The following TOGARAM2 variants were observed in gnomAD, a reference collection of about 807,000 sequenced individuals.
TOGARAM2 encodes TOG array regulator of axonemal microtubules protein 2.
Under a neutral mutation model 93.3 loss-of-function variants are expected in TOGARAM2, and 85 were observed. The observed-to-expected ratio is 0.91, with a 90% CI of 0.76 to 1.09. The LOEUF is 1.09. Among genes scored for constraint, TOGARAM2 ranks in the 50% least tolerant of loss-of-function variants. The pLI, the probability that TOGARAM2 is intolerant of heterozygous loss-of-function variation, is 0.00. For synonymous variants in TOGARAM2, 593 were observed against 552.8 expected (o/e 1.07, Z -1.02); for missense variants, 1,277 against 1,334.5 (o/e 0.96, Z 0.67).
At chr2:28,994,579 T>C in intron 1 of TOGARAM2, 146 bp from the exon 2 acceptor site, 1 of 400,238 alleles carries the variant, frequency 2.5e-6, no homozygotes, top group Non-Finnish European at 4.7e-6. Context: ...CATTTGTGAG[T>C]CCAATGTCAG....
intron 1 of TOGARAM2, among the ~76,000 whole-genome samples, chr2:28,958,840 C>T (rs1671760456): frequency 6.6e-6 from 1 of 152,184 alleles, no homozygotes; most frequent in African/African-American, 2.4e-5. Context: ...CTTTTTATCC[C>T]AGCCTTCTGG....
intron 1 of TOGARAM2, among the ~76,000 whole-genome samples, chr2:28,967,907 C>T (rs999531204): frequency 6.6e-6 from 1 of 151,452 alleles, no homozygotes; most frequent in Non-Finnish European, 1.5e-5. Flanking sequence ...CAACCTCCCC[C>T]TCCTGGGTTC....
Position 29,036,713 on chromosome 2 carries a change from A to C in TOGARAM2, c.2591A>C (p.Tyr864Ser). 6.2e-7 allele frequency: 1 copy of C among 1,613,926 alleles called. No homozygotes were observed. Among genetic ancestry groups the C allele is most frequent in the Non-Finnish European group, 8.5e-7 (1 of 1,179,876 alleles). The change falls in exon 18 of 20, where the codon TAC (tyrosine) becomes TCC (serine). Residue 864 changes from tyrosine to serine, a missense_variant. By Grantham distance (144) the Tyr-to-Ser change is moderately radical. Transcript: ENST00000379558. ...CTCAACTCCAAGAACTCAGGGATTT[A>C]CGCTGCTGCCGTGGCTGTGCTGGAT... The part of the protein sequence containing the change: ...DNLNSKNSGI[Y>S]AAAVAVLDAM...
chr2:28,971,199 G>A (rs1027239310), intron 1 of TOGARAM2: 21 of 152,404 alleles, frequency 1.4e-4, no homozygotes, highest in African/African-American at 5.1e-4. Context: ...TGTGTTTGGT[G>A]GGAGTTTAGT....
chr2:29,022,939 G>A, intron 11 of TOGARAM2, 147 bp from the exon 12 acceptor site: 2 of 649,100 alleles, frequency 3.1e-6, no homozygotes, highest in Non-Finnish European at 5.4e-6. Flanking sequence ...GTTACCCCGG[G>A]AAACCCTGCT....
Position 29,020,028 on chromosome 2 carries a change from C to G in TOGARAM2, c.1360+2072C>G, listed in dbSNP as rs553513211. On this transcript the variant is annotated intron_variant, in intron 10 of 19. Coordinates refer to ENST00000379558, the MANE Select transcript of TOGARAM2 (RefSeq NM_199280.4). ...TCTTCTGGTCACTGCGAGAGCACAC[C>G]CAACAAAGGAGGGAAGGGGTTTTTA... is the stretch of plus-strand genomic sequence containing the variant. 2.0e-5 allele frequency among the ~76,000 whole-genome samples: 3 copies of G among 152,302 alleles called. No individual in the cohort carries two copies. The East Asian group carries it at 5.8e-4, about 29-fold the overall frequency.
At chr2:29,033,088 G>C (rs540889714) in intron 15 of TOGARAM2, 37 bp downstream of exon 15, 1 of 1,558,408 alleles carries the variant, frequency 6.4e-7, no homozygotes, top group South Asian at 1.1e-5. Context: ...TGGCCTTTTG[G>C]GGGTGGGGGT....
chr2:28,992,366 T>G (rs1672776504), intron 1 of TOGARAM2, among the ~76,000 whole-genome samples: 1 of 152,062 alleles, frequency 6.6e-6, no homozygotes, highest in Non-Finnish European at 1.5e-5. Context: ...GTCGAAGGTG[T>G]AGACCCTGAG....
intron 1 of TOGARAM2, among the ~76,000 whole-genome samples, chr2:28,984,877 C>T (rs960787011): frequency 8.5e-5 from 13 of 152,114 alleles, no homozygotes; most frequent in African/African-American, 3.1e-4. Flanking sequence ...GGCAAGGTGA[C>T]CATTTTGGGG....
chr2:28,963,135 T>G (rs920895275), intron 1 of TOGARAM2, among the ~76,000 whole-genome samples: 5 of 152,132 alleles, frequency 3.3e-5, no homozygotes, highest in Admixed American at 3.3e-4. Context: ...GTGTTTTCAT[T>G]TTAAGAATTC....
At chr2:28,973,848 C>T (rs1014389473) in intron 1 of TOGARAM2, among the ~76,000 whole-genome samples, 7 of 152,060 alleles carry the variant, frequency 4.6e-5, no homozygotes, top group South Asian at 2.1e-4. Context: ...CCATTCTTTG[C>T]GGGTAGGTCT....
chr2:29,046,644 C>A (rs76104317), intron 19 of TOGARAM2: 2,059 of 152,436 alleles, frequency 0.014, 42 homozygotes, highest in African/African-American at 0.046. Flanking sequence ...GACCACCCCA[C>A]AGGAGGATGT....
At chr2:29,025,567 C>T (rs532797585) in intron 13 of TOGARAM2, among the ~76,000 whole-genome samples, 28 of 152,228 alleles carry the variant, frequency 1.8e-4, no homozygotes, top group African/African-American at 6.3e-4. Context: ...CATCTGAGTC[C>T]GCTGGGATCT....
chr2:29,025,998 C>T (rs34503529), intron 13 of TOGARAM2, among the ~76,000 whole-genome samples: 32 of 152,198 alleles, frequency 2.1e-4, no homozygotes, highest in African/African-American at 7.5e-4. Flanking sequence ...AACCAGCCAG[C>T]CCCGAGGGGC....
intron 18 of TOGARAM2, among the ~76,000 whole-genome samples, chr2:29,044,149 G>A (rs181680313): frequency 2.6e-5 from 4 of 152,216 alleles, no homozygotes; most frequent in South Asian, 2.1e-4. Context: ...GCTGCGCCTC[G>A]CAGCTGGGTG....
Position 29,003,517 on chromosome 2 carries a change from A to G in TOGARAM2, c.665A>G (p.His222Arg), listed in dbSNP as rs749653932. 2 of 1,573,354 alleles carry G rather than the reference A, an allele frequency of 1.3e-6. No homozygotes were observed. The highest frequency in any genetic ancestry group is 4.8e-5 in the East Asian group (2 of 41,816). The change falls in exon 6 of 20, where the codon CAC becomes CGC. Residue 222 changes from histidine (H) to arginine (R), a missense_variant. By Grantham distance (29) the His-to-Arg change is conservative (BLOSUM62 0). Transcript: ENST00000379558. ...GCGCAGATCTCCTGGCAATACCTGC[A>G]CTGCAATGATGAGAAGATGCAGAAG... ...QEAQISWQYL[H>R]CNDEKMQKSL...
At chr2:28,992,045 CAG>C (rs1320759604) in intron 1 of TOGARAM2, among the ~76,000 whole-genome samples, 1 of 152,130 alleles carries the variant, frequency 6.6e-6, no homozygotes, top group African/African-American at 2.4e-5. Context: ...GCTGTTCTAA[CAG>C]GGGAGAGTAG....
At chr2:29,005,932 GT>G (rs1663750721) in intron 6 of TOGARAM2, among the ~76,000 whole-genome samples, 1 of 146,690 alleles carries the variant, frequency 6.8e-6, no homozygotes. Context: ...TGTGTGGAGT[GT>G]GTGTGTGGGG....
chr2:28,995,960 G>C (rs1008958149), intron 2 of TOGARAM2, among the ~76,000 whole-genome samples: 1 of 152,216 alleles, frequency 6.6e-6, no homozygotes, highest in Non-Finnish European at 1.5e-5. Context: ...CTTAGCAGCA[G>C]GTACAGTACT....
Sources: allele counts gnomAD v4.1 joint callset (sites outside exome capture counted in the v4.1 genomes callset), GRCh38; gene constraint gnomAD v4.1.1; transcripts MANE v1.5; gene names NCBI Gene and HGNC (gene_info 2026-07-23, HGNC 2026-07-21).